Variants in MGAM observed in about 807,000 individuals in gnomAD.
MGAM encodes the protein alpha-1,4-glucosidase.
A neutral mutation model predicts 358.8 loss-of-function variants in MGAM; 253 were observed. The ratio of observed to expected loss-of-function variants is 0.71; its 90% CI spans 0.64 to 0.78. The LOEUF (loss-of-function observed/expected upper bound fraction) is 0.78, where lower values mean the gene tolerates loss of function less well. Among genes scored for constraint, MGAM ranks in the 30% least tolerant of loss-of-function variants. The pLI, the probability that MGAM is intolerant of heterozygous loss-of-function variation, is 0.00. For synonymous variants in MGAM, 1,105 were observed against 1,227.1 expected, an observed-to-expected ratio of 0.90 and a Z score of 2.08; for missense variants, 3,080 against 3,432.6, an observed-to-expected ratio of 0.90 and a Z score of 2.57.
intron 63 of MGAM, among the ~76,000 whole-genome samples, chr7:142,095,214 T>G (rs1377890659): frequency 6.6e-6 from 1 of 152,200 alleles, no homozygotes; most frequent in Non-Finnish European, 1.5e-5. Context: ...CCGAAAGTGC[T>G]GGGATTACAG....
At chr7:141,992,633 G>A (rs1803996888), upstream of MGAM, among the ~76,000 whole-genome samples, 1 of 151,990 alleles carries the variant, frequency 6.6e-6, no homozygotes, top group African/African-American at 2.4e-5. Flanking sequence ...CCCAAGCTGG[G>A]CTGCAGTGAC....
intron 14 of MGAM, among the ~76,000 whole-genome samples, 159 bp from the exon 15 acceptor site, chr7:142,034,103 C>A (rs1305032733): frequency 6.6e-6 from 1 of 152,174 alleles, no homozygotes; most frequent in Non-Finnish European, 1.5e-5. Context: ...AGAAACTACT[C>A]CAAGTGGATA....
intron 28 of MGAM, 95 bp from the exon 29 acceptor site, chr7:142,055,905 A>T: frequency 6.8e-7 from 1 of 1,466,212 alleles, no homozygotes; most frequent in East Asian, 2.4e-5. Context: ...TCATGGAGAA[A>T]ACTAGAGCCA....
rs1810295773 is a variant in MGAM at position 142,045,926 on chromosome 7, GTATACATACA to G, written c.2499-1858_2499-1849del. The stretch of plus-strand genomic sequence containing the variant: ...ATACAATATGTAATATATATATTAT[GTATACATACA>G]ATATGTAATATATATTATGTATACA... On this transcript the variant is annotated intron_variant, in intron 21 of 70. Coordinates refer to ENST00000475668, the MANE Select transcript of MGAM (RefSeq NM_001365693.1). 2.2e-5 allele frequency among the ~76,000 whole-genome samples: 2 copies of G among 89,226 alleles called. 1 individual carries two copies. The highest frequency in any genetic ancestry group is 8.8e-5 in the African/African-American group (2 of 22,834). The allele number at this position is 89,226 out of a possible 152,430, so 58.5% of individuals were successfully genotyped here.
rs774628357 is a variant in MGAM, at chr7:142,082,100, C to T, written c.6061C>T (p.Arg2021Cys). The change falls in exon 51 of 71, where the codon CGC becomes TGC. Residue 2021 changes from arginine (R) to cysteine (C), a missense_variant. Around this residue, in one of 5 missense-constraint regions of MGAM, gnomAD observed 932 missense variants for 1,198.2 expected, o/e 0.78. Transcript: ENST00000475668. ...TGACATGTTTATCCGCATCTCCACC[C>T]GCCTTCCCTCCAAGTACCTCTATGG... is the stretch of plus-strand genomic sequence containing the variant. The part of the protein sequence containing the change: ...FNDMFIRIST[R>C]LPSKYLYGFG... The T allele has an allele frequency of 8.4e-6, 13 of 1,555,818 alleles. No homozygotes were observed. The highest frequency in any genetic ancestry group is 6.8e-5 in the Admixed American group (4 of 58,430).
At chr7:142,052,142 A>T (rs559223243) in intron 24 of MGAM, among the ~76,000 whole-genome samples, 152 bp from the exon 25 acceptor site, 1 of 152,138 alleles carries the variant, frequency 6.6e-6, no homozygotes, top group Non-Finnish European at 1.5e-5. Context: ...CCCAATGTGC[A>T]GTTCTCTTCT....
At chr7:142,057,618 C>T (rs1209108772) in intron 30 of MGAM, among the ~76,000 whole-genome samples, 3 of 115,010 alleles carry the variant, frequency 2.6e-5, no homozygotes, top group Non-Finnish European at 3.6e-5. Flanking sequence ...GGGGCACGAT[C>T]GTGGTACTGG....
chr7:142,022,321 C>T lies in MGAM; in HGVS notation c.764C>T (p.Ser255Phe), dbSNP rs201266519. 5.0e-4 allele frequency: 804 copies of T among 1,613,176 alleles called. No individual in the cohort carries two copies. Among genetic ancestry groups the T allele is most frequent in the Non-Finnish European group, 6.3e-4 (742 of 1,179,444 alleles). Residue 255 changes from serine to phenylalanine, a missense_variant, in exon 7 of 71, where the codon TCC (serine) becomes TTC (phenylalanine). Coordinates refer to ENST00000475668, the MANE Select transcript of MGAM (RefSeq NM_001365693.1). ...TTTGCTGACCAGTTCTTGCAGCTCT[C>T]CACTCGACTGCCTAGCACTAACGTG... ...LLFADQFLQL[S>F]TRLPSTNVYG...
At chr7:142,037,590 T>C (rs1808106747) in intron 18 of MGAM, among the ~76,000 whole-genome samples, 1 of 152,194 alleles carries the variant, frequency 6.6e-6, no homozygotes, top group South Asian at 2.1e-4. Context: ...TATATATTCA[T>C]TATTTTGGGA....
chr7:142,100,918 C>T (rs1455103696), intron 68 of MGAM, 28 bp downstream of exon 68: 2 of 1,579,854 alleles, frequency 1.3e-6, no homozygotes, highest in Non-Finnish European at 1.7e-6. Flanking sequence ...GAGATTCATG[C>T]TGATGGCACT....
rs1396099155 is a variant in MGAM at position 142,066,187 on chromosome 7, C to T, written c.4770+356C>T. 2.1e-5 allele frequency among the ~76,000 whole-genome samples: 3 copies of T among 145,450 alleles called. 1 individual carries two copies. The highest frequency in any genetic ancestry group is 4.7e-5 in the Non-Finnish European group (3 of 64,306). ...ATATTTCACAGGATGGTCTCGAACTCCTGGGCTCAAGCGATCCACTCGACA... is the reference window on the plus strand; with the variant it reads ...ATATTTCACAGGATGGTCTCGAACTTCTGGGCTCAAGCGATCCACTCGACA... On this transcript the variant is annotated intron_variant, in intron 40 of 70. Coordinates refer to ENST00000475668, the MANE Select transcript of MGAM (RefSeq NM_001365693.1).
At chr7:142,001,237 A>G (rs1408625345) in intron 1 of MGAM, among the ~76,000 whole-genome samples, 5 of 152,236 alleles carry the variant, frequency 3.3e-5, no homozygotes, top group Admixed American at 3.3e-4. Context: ...TCCTTGCTGT[A>G]GAGAAAGGTT....
At chr7:142,066,910 G>T (rs916766198) in intron 41 of MGAM, among the ~76,000 whole-genome samples, 189 bp downstream of exon 41, 1 of 146,152 alleles carries the variant, frequency 6.8e-6, no homozygotes, top group African/African-American at 2.4e-5. Flanking sequence ...ATAAAAAAAG[G>T]GTATTTATTG....
Position 142,021,659 on chromosome 7 carries a change from C to T in MGAM, c.632C>T (p.Ala211Val). 6.2e-7 allele frequency: 1 copy of T among 1,613,934 alleles called. No individual in the cohort carries two copies. ...HVQSFSGNAA[A>V]SLTYQVEISR... ...CAGTCCTTCAGTGGAAATGCTGCTG[C>T]TTCTTTGACCTACCAAGTTGAAATC... The change falls in exon 6 of 71, where the codon GCT becomes GTT. Residue 211 changes from alanine (A) to valine (V), a missense_variant. Physicochemically the swap from Ala to Val is moderately conservative, Grantham distance 64. This residue lies in a region of MGAM where 1,816 missense variants were observed against 1,840.5 expected (regional missense o/e 0.99). Transcript: ENST00000475668.
At chr7:142,069,574 A>G (rs1053749609) in intron 43 of MGAM, among the ~76,000 whole-genome samples, 3 of 145,838 alleles carry the variant, frequency 2.1e-5, no homozygotes, top group African/African-American at 7.3e-5. Context: ...TCATCCAAGG[A>G]GATTTCAGTG....
chr7:142,092,599 T>C lies in MGAM; in HGVS notation c.7024T>C (p.Tyr2342His). 6.5e-7 allele frequency: 1 copy of C among 1,538,932 alleles called. No homozygotes were observed. Among genetic ancestry groups the C allele is most frequent in the African/African-American group, 1.3e-5 (1 of 74,530 alleles). The change falls in exon 59 of 71, where the codon TAC becomes CAC. Residue 2342 changes from tyrosine to histidine, a missense_variant. This residue lies in a region of MGAM where 932 missense variants were observed against 1,198.2 expected (regional missense o/e 0.78). Transcript: ENST00000475668. ...CRDASLNHPP[Y>H]MPYLESRDRG... ...GGATGCCTCTCTGAACCACCCTCCC[T>C]ACATGCCGTGTAAGAATCCTTGGCC...
rs771119657 is a variant in MGAM, at chr7:142,088,996, G to GTATGTATGTATCTATCTATC, written c.6810+2282_6810+2283insGTATGTATCTATCTATCTAT. Among the ~76,000 whole-genome samples the GTATGTATGTATCTATCTATC allele has an allele frequency of 1.2e-3, 142 of 118,034 alleles. 3 individuals carry two copies. The highest frequency in any genetic ancestry group is 6.0e-3 in the South Asian group (19 of 3,184). 77.4% of individuals were successfully genotyped at this position (118,034 alleles called of 152,430 possible). A position where few individuals can be genotyped will look rare whatever the true frequency, so the allele number is the denominator to read the frequency against. On this transcript the variant is annotated intron_variant, in intron 57 of 70. Coordinates refer to ENST00000475668, the MANE Select transcript of MGAM (RefSeq NM_001365693.1). ...TGTATGTATGTATGTATGTATGTAT[G>GTATGTATGTATCTATCTATC]TATCTATCTATCTATCTATCTATCT...
At chr7:142,078,509 C>T (rs940490918) in intron 48 of MGAM, 39 bp downstream of exon 48, 1 of 1,491,680 alleles carries the variant, frequency 6.7e-7, no homozygotes, top group African/African-American at 1.4e-5. Context: ...TGAAAATCTC[C>T]ACACCTAATC....
rs542905995 is a variant in MGAM at position 141,998,449 on chromosome 7, C to T, written c.-3+2519C>T. Among the ~76,000 whole-genome samples the T allele has an allele frequency of 2.6e-5, 4 of 152,266 alleles. No homozygotes were observed. In the South Asian group the frequency reaches 6.2e-4, roughly 24 times the overall value. On this transcript the variant is annotated intron_variant, in intron 1 of 70. Transcript: ENST00000475668. ...AGGCCCTAATGTGTGATGTTCCCCT[C>T]CCCATGTCCATGTGTTCTCATTGTT...
Sources: allele counts gnomAD v4.1 joint callset (sites outside exome capture counted in the v4.1 genomes callset), GRCh38; gene constraint gnomAD v4.1.1; regional missense constraint gnomAD v4.1.1; transcripts MANE v1.5; gene names NCBI Gene and HGNC (gene_info 2026-07-23, HGNC 2026-07-21).